Variants in RARB observed in about 807,000 individuals in gnomAD.
RARB encodes the protein retinoic acid receptor beta.
Under a neutral mutation model 51.9 loss-of-function variants are expected in RARB, and 17 were observed. The observed-to-expected ratio is 0.33, with a 90% CI of 0.22 to 0.49. The LOEUF is 0.49. Among genes scored for constraint, RARB ranks in the 20% least tolerant of loss-of-function variants. RARB has a pLI of 0.99. For missense variants in RARB, 369 were observed against 550.8 expected, an observed-to-expected ratio of 0.67 and a Z score of 3.30; for synonymous variants, 215 against 195.4, an observed-to-expected ratio of 1.10 and a Z score of -0.84.
chr3:25,168,440 A>C (rs944966376), intron 4 of RARB, among the ~76,000 whole-genome samples: 1 of 152,024 alleles, frequency 6.6e-6, no homozygotes, highest in African/African-American at 2.4e-5. Flanking sequence ...TGGCCAGGCT[A>C]GTCTCAAACT....
intron 2 of RARB, among the ~76,000 whole-genome samples, chr3:25,463,430 C>T (rs1189843332): frequency 6.6e-6 from 1 of 152,134 alleles, no homozygotes; most frequent in South Asian, 2.1e-4. Context: ...TTTGGGAGGT[C>T]AAGGCAGGCA....
At chr3:24,840,389 C>A (rs1238022096) in intron 1 of RARB, among the ~76,000 whole-genome samples, 1 of 152,198 alleles carries the variant, frequency 6.6e-6, no homozygotes, top group Admixed American at 6.5e-5. Flanking sequence ...GCTTCTCTGT[C>A]TATTGCCCCC....
chr3:25,502,686 A>G (rs1477612711), intron 3 of RARB, among the ~76,000 whole-genome samples: 4 of 152,128 alleles, frequency 2.6e-5, no homozygotes, highest in Admixed American at 6.6e-5. Context: ...AATGAGAGGG[A>G]ATTCAAGACT....
chr3:25,532,405 G>A (rs1368134132), intron 3 of RARB, among the ~76,000 whole-genome samples: 1 of 152,116 alleles, frequency 6.6e-6, no homozygotes, highest in Non-Finnish European at 1.5e-5. Context: ...ACAGCAGAGG[G>A]GCAGGAGACG....
chr3:24,845,693 C>G (rs1309660802), intron 1 of RARB, among the ~76,000 whole-genome samples: 2 of 152,150 alleles, frequency 1.3e-5, no homozygotes, highest in Admixed American at 6.5e-5. Flanking sequence ...TCTCCTGCAG[C>G]TCCTTGGAAA....
In RARB at chr3:25,572,179, A is replaced by C. The variant is rs569546903; in HGVS notation, c.609+2261A>C. On this transcript the variant is annotated intron_variant, in intron 4 of 7. Transcript: ENST00000330688. ...TGCTGTGCAATGGTGGACTGTGTTG[A>C]GTTGAGAGCAAGTGGGAAGTGAGAA... is the stretch of plus-strand genomic sequence containing the variant. 4.6e-5 allele frequency among the ~76,000 whole-genome samples: 7 copies of C among 152,248 alleles called. No homozygotes were observed. In the South Asian group the frequency reaches 1.5e-3, roughly 32 times the overall value.
intron 5 of RARB, among the ~76,000 whole-genome samples, chr3:25,347,124 T>A (rs1487966710): frequency 6.6e-6 from 1 of 152,200 alleles, no homozygotes; most frequent in Non-Finnish European, 1.5e-5. Flanking sequence ...CACCATGGAT[T>A]TTCCCCCAGC....
chr3:25,390,937 G>C (rs564361538), intron 5 of RARB, among the ~76,000 whole-genome samples: 8 of 151,910 alleles, frequency 5.3e-5, no homozygotes, highest in African/African-American at 1.9e-4. Flanking sequence ...GGGAACAGGC[G>C]GTGTTTGGTT....
intron 2 of RARB, among the ~76,000 whole-genome samples, chr3:24,950,993 A>G (rs1373344029): frequency 6.6e-6 from 1 of 152,160 alleles, no homozygotes; most frequent in Non-Finnish European, 1.5e-5. Flanking sequence ...ACCCAGTTGC[A>G]GGACTGGGAG....
intron 5 of RARB, among the ~76,000 whole-genome samples, chr3:25,270,974 A>G (rs1703244485): frequency 6.6e-6 from 1 of 152,244 alleles, no homozygotes; most frequent in South Asian, 2.1e-4. Flanking sequence ...TCTCTCCTTG[A>G]AATCATACCA....
At chr3:25,239,448 G>C (rs1317073946) in intron 5 of RARB, among the ~76,000 whole-genome samples, 1 of 152,104 alleles carries the variant, frequency 6.6e-6, no homozygotes, top group Non-Finnish European at 1.5e-5. Flanking sequence ...TTATGTTTAA[G>C]TCTTTAATCC....
chr3:25,492,333 T>A (rs558353634), intron 2 of RARB, among the ~76,000 whole-genome samples: 2 of 152,342 alleles, frequency 1.3e-5, no homozygotes, highest in African/African-American at 4.8e-5. Context: ...AATCTCTCCT[T>A]ACTATTGGTT....
At chr3:25,240,410 C>G (rs1253618032) in intron 5 of RARB, among the ~76,000 whole-genome samples, 1 of 151,944 alleles carries the variant, frequency 6.6e-6, no homozygotes, top group Non-Finnish European at 1.5e-5. Context: ...TGTTCTAGTT[C>G]TTTTAGAAAA....
At chr3:25,123,512 T>C (rs1699815443) in intron 3 of RARB, among the ~76,000 whole-genome samples, 1 of 152,210 alleles carries the variant, frequency 6.6e-6, no homozygotes, top group African/African-American at 2.4e-5. Context: ...ACAGTGGCTA[T>C]ATCAAAGCCA....
chr3:25,249,581 C>T (rs1323002624), intron 5 of RARB, among the ~76,000 whole-genome samples: 1 of 149,390 alleles, frequency 6.7e-6, no homozygotes, highest in Non-Finnish European at 1.5e-5. Flanking sequence ...TTTTAATTTG[C>T]TTTTGTAGAG....
intron 5 of RARB, among the ~76,000 whole-genome samples, chr3:25,280,134 T>C (rs1703485888): frequency 6.6e-6 from 1 of 152,154 alleles, no homozygotes; most frequent in Admixed American, 6.5e-5. Flanking sequence ...TTGTGTAATG[T>C]TGTGCTTAGG....
intron 1 of RARB, among the ~76,000 whole-genome samples, chr3:24,835,318 C>T (rs1320442254): frequency 6.6e-6 from 1 of 152,152 alleles, no homozygotes; most frequent in Non-Finnish European, 1.5e-5. Context: ...CTCTAGAATG[C>T]CCCTTTTCCA....
chr3:25,091,580 G>C (rs1375164926), intron 3 of RARB, among the ~76,000 whole-genome samples: 1 of 152,088 alleles, frequency 6.6e-6, no homozygotes, highest in East Asian at 1.9e-4. Context: ...GGTTTGTTTA[G>C]GGTATTTTTC....
intron 1 of RARB, among the ~76,000 whole-genome samples, chr3:24,852,991 A>G (rs575028293): frequency 2.0e-4 from 31 of 152,230 alleles, no homozygotes; most frequent in African/African-American, 7.5e-4. Flanking sequence ...TGTATGGTAT[A>G]TAAACTATAT....
Sources: allele counts gnomAD v4.1 joint callset (sites outside exome capture counted in the v4.1 genomes callset), GRCh38; gene constraint gnomAD v4.1.1; transcripts MANE v1.5; gene names NCBI Gene and HGNC (gene_info 2026-07-23, HGNC 2026-07-21).